The following ANKFN1 variants were observed in gnomAD, a reference collection of about 807,000 sequenced individuals.
The protein encoded by ANKFN1 is ankyrin repeat and fibronectin type-III domain-containing protein 1.
ANKFN1 carries 74 observed loss-of-function variants against 108.7 expected under a neutral mutation model. The observed-to-expected ratio is 0.68, with a 90% CI of 0.56 to 0.83. The LOEUF (loss-of-function observed/expected upper bound fraction) is 0.83. ANKFN1 is among the 40% of genes least tolerant of loss of function. The pLI, the probability that ANKFN1 is intolerant of heterozygous loss-of-function variation, is 0.00. For missense variants in ANKFN1, 1,505 were observed against 1,382.3 expected, an observed-to-expected ratio of 1.09 and a Z score of -1.41; for synonymous variants, 547 against 516.2, an observed-to-expected ratio of 1.06 and a Z score of -0.81.
At chr17:56,430,709 C>A (rs1223150468) in intron 8 of ANKFN1, among the ~76,000 whole-genome samples, 1 of 152,134 alleles carries the variant, frequency 6.6e-6, no homozygotes, top group African/African-American at 2.4e-5. Context: ...ATTTATTGAT[C>A]TTCTGCATGC....
At chr17:56,299,335 C>G (rs528771986) in intron 3 of ANKFN1, among the ~76,000 whole-genome samples, 1 of 152,256 alleles carries the variant, frequency 6.6e-6, no homozygotes, top group East Asian at 1.9e-4. Flanking sequence ...TCCTCTCCCC[C>G]ACCCTTGGAT....
intron 4 of ANKFN1, among the ~76,000 whole-genome samples, chr17:56,337,964 G>A (rs75452080): frequency 0.79 from 120,637 of 152,066 alleles, 48,164 homozygotes; most frequent in East Asian, 0.96. Flanking sequence ...GTATATGCCC[G>A]AAGAATTATA....
At chr17:56,116,110 CAGGT>C (rs1406238218) in intron 4 of ANKFN1, among the ~76,000 whole-genome samples, 2 of 152,166 alleles carry the variant, frequency 1.3e-5, no homozygotes, top group African/African-American at 4.8e-5. Context: ...GCCATGTCCC[CAGGT>C]AGAACCGAGC....
intron 8 of ANKFN1, among the ~76,000 whole-genome samples, chr17:56,378,868 A>G (rs1468421333): frequency 1.3e-5 from 2 of 152,016 alleles, no homozygotes; most frequent in Non-Finnish European, 2.9e-5. Flanking sequence ...AGTGCTCAAG[A>G]CTCACTTCTA....
chr17:56,441,133 C>T (rs1158183167), intron 9 of ANKFN1, among the ~76,000 whole-genome samples: 4 of 152,032 alleles, frequency 2.6e-5, no homozygotes, highest in Non-Finnish European at 5.9e-5. Context: ...CCTGTATTTC[C>T]TCAAGCAATT....
chr17:56,098,415 C>A (rs983035326), intron 4 of ANKFN1, among the ~76,000 whole-genome samples: 5 of 143,800 alleles, frequency 3.5e-5, no homozygotes, highest in African/African-American at 1.4e-4. Flanking sequence ...CACATACACA[C>A]AAACACACAC....
intron 1 of ANKFN1, among the ~76,000 whole-genome samples, chr17:56,199,555 C>G (rs1000440646): frequency 6.6e-6 from 1 of 152,128 alleles, no homozygotes; most frequent in African/African-American, 2.4e-5. Flanking sequence ...CCAGCCCAGC[C>G]CCTAAATATC....
intron 6 of ANKFN1, among the ~76,000 whole-genome samples, chr17:56,370,384 C>T (rs2046776934): frequency 6.6e-6 from 1 of 152,196 alleles, no homozygotes; most frequent in African/African-American, 2.4e-5. Context: ...AGCTGTCCAT[C>T]TGAAATGCCA....
Position 56,457,345 on chromosome 17 carries a change from T to A in ANKFN1, c.1396T>A (p.Ser466Thr). ...DQVPIVEIDD[S>T]HTSSITQDFL... The stretch of plus-strand genomic sequence containing the variant: ...AGTACCAATTGTTGAAATAGATGAC[T>A]CTCACACCAGTTCTATTACACAAGA... The change falls in exon 13 of 21, where the codon TCT becomes ACT. Residue 466 changes from serine (S) to threonine (T), a missense_variant. Physicochemically the swap from Ser to Thr is moderately conservative, Grantham distance 58 (BLOSUM62 1). Coordinates refer to ENST00000682825, the MANE Select transcript of ANKFN1 (RefSeq NM_001370326.1). 3 of 1,607,096 alleles carry A rather than the reference T, an allele frequency of 1.9e-6. No individual in the cohort carries two copies. The African/African-American group carries it at 4.0e-5, about 22-fold the overall frequency.
At chr17:56,086,789 T>A (rs1905322135) in intron 4 of ANKFN1, among the ~76,000 whole-genome samples, 1 of 151,388 alleles carries the variant, frequency 6.6e-6, no homozygotes, top group Admixed American at 6.6e-5. Flanking sequence ...TCTAGCTCCA[T>A]GCCTAGTGCC....
rs2046847724 is a variant in ANKFN1, at chr17:56,372,847, A to G, written c.796+7A>G. On this transcript the variant is annotated splice_region_variant and intron_variant, in intron 7 of 20. Transcript: ENST00000682825. ...ACAGGCTTTGAGCATGCCAGTGAGT[A>G]TAAGCAGAAAATGTCTACATTTCAC... The G allele has an allele frequency of 6.2e-7, 1 of 1,607,374 alleles. No individual in the cohort carries two copies. Among genetic ancestry groups the G allele is most frequent in the African/African-American group, 1.3e-5 (1 of 74,720 alleles).
intron 3 of ANKFN1, among the ~76,000 whole-genome samples, chr17:56,315,202 A>G (rs1328587072): frequency 6.6e-6 from 1 of 152,160 alleles, no homozygotes; most frequent in East Asian, 1.9e-4. Context: ...TCTCACTAAT[A>G]TAGCTGGAGG....
chr17:56,334,120 G>A (rs9303386), intron 4 of ANKFN1, among the ~76,000 whole-genome samples: 2 of 152,072 alleles, frequency 1.3e-5, no homozygotes, highest in Non-Finnish European at 1.5e-5. Context: ...AATGGAATAC[G>A]TCTCAGCAAT....
chr17:56,412,541 G>A (rs1039272053), intron 8 of ANKFN1, among the ~76,000 whole-genome samples: 2 of 152,176 alleles, frequency 1.3e-5, no homozygotes, highest in African/African-American at 4.8e-5. Context: ...ATAAAAGCAG[G>A]CAGAGGAATG....
At chr17:56,209,836 G>C (rs912661704) in intron 1 of ANKFN1, among the ~76,000 whole-genome samples, 2 of 152,004 alleles carry the variant, frequency 1.3e-5, no homozygotes, top group African/African-American at 4.8e-5. Flanking sequence ...CTTTTCCCCT[G>C]AGTGCCCAAA....
chr17:56,274,007 C>G (rs182928427), intron 3 of ANKFN1, among the ~76,000 whole-genome samples: 9 of 152,262 alleles, frequency 5.9e-5, no homozygotes, highest in African/African-American at 2.2e-4. Context: ...AGAGCCTGGG[C>G]CAAAATCTCA....
At chr17:56,410,801 C>T (rs999108147) in intron 8 of ANKFN1, among the ~76,000 whole-genome samples, 1 of 151,960 alleles carries the variant, frequency 6.6e-6, no homozygotes, top group Non-Finnish European at 1.5e-5. Context: ...CTATATTATT[C>T]CTAGCATCTT....
chr17:56,477,307 G>T (rs1015296935), intron 15 of ANKFN1, among the ~76,000 whole-genome samples, 181 bp from the exon 16 acceptor site: 1 of 152,138 alleles, frequency 6.6e-6, no homozygotes, highest in Non-Finnish European at 1.5e-5. Context: ...TTCTGCTGAA[G>T]GTAAGAGTAG....
chr17:56,047,243 C>A (rs948032659), intron 4 of ANKFN1, among the ~76,000 whole-genome samples: 1 of 152,168 alleles, frequency 6.6e-6, no homozygotes, highest in East Asian at 1.9e-4. Context: ...CCCCTCCCTG[C>A]CCTGCTTCTT....
Sources: allele counts gnomAD v4.1 joint callset (sites outside exome capture counted in the v4.1 genomes callset), GRCh38; gene constraint gnomAD v4.1.1; transcripts MANE v1.5; gene names NCBI Gene and HGNC (gene_info 2026-07-23, HGNC 2026-07-21).